Variants in PHF20 observed in about 807,000 individuals in gnomAD.
PHF20 encodes glioma-expressed antigen 2.
Under a neutral mutation model 113.5 loss-of-function variants are expected in PHF20, and 23 were observed. The ratio of observed to expected loss-of-function variants is 0.20; its 90% CI spans 0.15 to 0.29. The LOEUF is 0.29. PHF20 is among the 10% of genes least tolerant of loss of function. The pLI, the probability that PHF20 is intolerant of heterozygous loss-of-function variation, is 1.00. For synonymous variants in PHF20, 434 were observed against 457.3 expected (o/e 0.95, Z 0.65); for missense variants, 943 against 1,219.6 (o/e 0.77, Z 3.38).
chr20:35,776,196 C>A (rs1009566565), intron 1 of PHF20, among the ~76,000 whole-genome samples: 2 of 152,208 alleles, frequency 1.3e-5, no homozygotes, highest in Admixed American at 6.5e-5. Flanking sequence ...ACTGCATAGC[C>A]AGCTTGTCTG....
chr20:35,777,521 A>G (rs1394139785), intron 1 of PHF20, among the ~76,000 whole-genome samples: 1 of 152,208 alleles, frequency 6.6e-6, no homozygotes, highest in Non-Finnish European at 1.5e-5. Context: ...CCATTTGACA[A>G]TTACTCGTGG....
At chr20:35,927,415 C>T (rs2055661765) in intron 13 of PHF20, among the ~76,000 whole-genome samples, 1 of 152,150 alleles carries the variant, frequency 6.6e-6, no homozygotes, top group Non-Finnish European at 1.5e-5. Flanking sequence ...AATTGTGTAT[C>T]CCATTTTGCA....
intron 5 of PHF20, 37 bp from the exon 6 acceptor site, chr20:35,862,976 A>G: frequency 6.6e-7 from 1 of 1,523,438 alleles, no homozygotes; most frequent in Non-Finnish European, 8.8e-7. Flanking sequence ...TTTGCAAGTA[A>G]TCACGAAGTG....
intron 9 of PHF20, among the ~76,000 whole-genome samples, chr20:35,884,411 ACT>A (rs1226231704): frequency 6.6e-6 from 1 of 152,028 alleles, no homozygotes; most frequent in Admixed American, 6.6e-5. Flanking sequence ...TTCCAACCTA[ACT>A]CTGGCATTTG....
chr20:35,780,597 A>G (rs1325044308), intron 1 of PHF20, among the ~76,000 whole-genome samples: 3 of 144,782 alleles, frequency 2.1e-5, no homozygotes. Flanking sequence ...CCCAGGCTGG[A>G]AGGCAGTGGC....
rs746657834 is a variant in PHF20, at chr20:35,869,486, G to C, written c.857G>C (p.Arg286Thr). ...TTGCAACCAATAACATTGGAACTGAGAAGAAGGAAAATATCAAAAGGATGT... is the reference window on the plus strand; with the variant it reads ...TTGCAACCAATAACATTGGAACTGACAAGAAGGAAAATATCAAAAGGATGT... ...QTLQPITLEL[R>T]RRKISKGCEV... is the part of the protein sequence containing the mutation. The change falls in exon 7 of 18, where the codon AGA becomes ACA. Residue 286 changes from arginine (R) to threonine (T), a missense_variant. Arg to Thr is a moderately conservative substitution (Grantham distance 71). This residue lies in a region of PHF20 where 592 missense variants were observed against 787.2 expected (regional missense o/e 0.75). Coordinates refer to ENST00000374012, the MANE Select transcript of PHF20 (RefSeq NM_016436.5). 1 of 1,612,416 alleles carries C rather than the reference G, an allele frequency of 6.2e-7. No homozygotes were observed. Among genetic ancestry groups the C allele is most frequent in the Admixed American group, 1.7e-5 (1 of 59,734 alleles).
chr20:35,907,425 G>A lies in PHF20; in HGVS notation c.1562-5824G>A, dbSNP rs898848566. On this transcript the variant is annotated intron_variant, in intron 10 of 17. Transcript: ENST00000374012. ...TTTGTCCAACCTAGTCAGGGCAGCC[G>A]GGAGGAAGCTCCACAGCCAGTACAT... 4.6e-5 allele frequency among the ~76,000 whole-genome samples: 7 copies of A among 152,192 alleles called. No individual in the cohort carries two copies. The South Asian group carries it at 8.3e-4, about 18-fold the overall frequency.
chr20:35,800,350 G>A (rs1260136934), intron 1 of PHF20, among the ~76,000 whole-genome samples: 3 of 152,082 alleles, frequency 2.0e-5, no homozygotes, highest in Non-Finnish European at 2.9e-5. Flanking sequence ...ACTTGAACCC[G>A]AGAAGCAGAG....
At chr20:35,867,687 G>A (rs1286576364) in intron 6 of PHF20, among the ~76,000 whole-genome samples, 1 of 152,098 alleles carries the variant, frequency 6.6e-6, no homozygotes, top group Admixed American at 6.6e-5. Context: ...GTCTTCTCTG[G>A]TTTGCTTCCT....
At chr20:35,897,653 G>T (rs1200776237) in intron 9 of PHF20, among the ~76,000 whole-genome samples, 4 of 137,582 alleles carry the variant, frequency 2.9e-5, no homozygotes, top group Non-Finnish European at 6.1e-5. Flanking sequence ...TGCAAACTCC[G>T]CCTCCTGGGT....
At chr20:35,772,463 TCTGCTA>T (rs1164468203) in intron 1 of PHF20, among the ~76,000 whole-genome samples, 1 of 152,214 alleles carries the variant, frequency 6.6e-6, no homozygotes, top group Non-Finnish European at 1.5e-5. Flanking sequence ...ATCAGCAGCC[TCTGCTA>T]TTGCCTTGCG....
At chr20:35,811,600 G>A (rs1296452265) in intron 2 of PHF20, among the ~76,000 whole-genome samples, 2 of 151,704 alleles carry the variant, frequency 1.3e-5, no homozygotes, top group African/African-American at 2.4e-5. Context: ...GCGCCACCAC[G>A]CTCAGCTAAT....
At chr20:35,835,312 T>A (rs890745993) in intron 2 of PHF20, among the ~76,000 whole-genome samples, 1 of 151,934 alleles carries the variant, frequency 6.6e-6, no homozygotes, top group Non-Finnish European at 1.5e-5. Context: ...ATCAGACTAG[T>A]AACCATAGAA....
In PHF20 at chr20:35,808,080, A is replaced by G. The variant is rs566118003; in HGVS notation, c.83+6475A>G. 5.3e-5 allele frequency among the ~76,000 whole-genome samples: 8 copies of G among 152,262 alleles called. No individual in the cohort carries two copies. In the South Asian group the frequency reaches 1.4e-3, roughly 28 times the overall value. On this transcript the variant is annotated intron_variant, in intron 2 of 17. Transcript: ENST00000374012. Reference sequence around the variant, plus strand: ...AATGGGTACATGAGTCTTTATTGCTATTGAGTCTTGTATCTGGTCTTACAC... The same window carrying G: ...AATGGGTACATGAGTCTTTATTGCTGTTGAGTCTTGTATCTGGTCTTACAC...
chr20:35,792,908 G>C (rs1252963459), intron 1 of PHF20, among the ~76,000 whole-genome samples: 1 of 151,824 alleles, frequency 6.6e-6, no homozygotes, highest in Non-Finnish European at 1.5e-5. Context: ...AACAGGCTCA[G>C]TGATTTTTCT....
At chr20:35,897,492 T>G (rs893026049) in intron 9 of PHF20, among the ~76,000 whole-genome samples, 2 of 151,914 alleles carry the variant, frequency 1.3e-5, no homozygotes, top group African/African-American at 2.4e-5. Context: ...TACAATAAAT[T>G]GTTATTAATT....
intron 13 of PHF20, among the ~76,000 whole-genome samples, chr20:35,924,192 C>CTTTTTT (rs767943006): frequency 2.1e-4 from 27 of 129,882 alleles, no homozygotes; most frequent in South Asian, 9.8e-4. Flanking sequence ...CTTTTCTTTT[C>CTTTTTT]TTTTTTTTTT....
intron 5 of PHF20, among the ~76,000 whole-genome samples, chr20:35,860,279 A>G (rs1443517966): frequency 7.1e-6 from 1 of 140,786 alleles, no homozygotes; most frequent in Non-Finnish European, 1.5e-5. Context: ...CTCACTCTGT[A>G]GCCTAGGCTG....
intron 15 of PHF20, among the ~76,000 whole-genome samples, chr20:35,933,562 A>G (rs1332472103): frequency 6.6e-6 from 1 of 151,766 alleles, no homozygotes; most frequent in East Asian, 1.9e-4. Flanking sequence ...ACGCCCGGCT[A>G]ATTTTTTTGT....
Sources: gnomAD v4.1 joint callset for allele counts (sites outside exome capture counted in the v4.1 genomes callset) on GRCh38, gnomAD v4.1.1 for gene constraint, gnomAD v4.1.1 regional missense constraint, MANE v1.5 for transcripts, NCBI Gene and HGNC (gene_info 2026-07-23, HGNC 2026-07-21) for gene names.